Variants in CALCR observed in about 807,000 individuals in gnomAD.
CALCR encodes calcitonin receptor.
In CALCR, 47 loss-of-function variants were observed where a neutral mutation model predicts 59.5. The ratio of observed to expected loss-of-function variants is 0.79; its 90% confidence interval spans 0.63 to 1.01. The LOEUF is 1.01. CALCR is among the 50% of genes least tolerant of loss of function. CALCR has a pLI of 0.00. For synonymous variants in CALCR, 213 were observed against 211.3 expected, an observed-to-expected ratio of 1.01 and a Z score of -0.07; for missense variants, 566 against 597.1, an observed-to-expected ratio of 0.95 and a Z score of 0.54.
At chr7:93,553,505 T>G (rs1381979707) in intron 2 of CALCR, among the ~76,000 whole-genome samples, 1 of 151,794 alleles carries the variant, frequency 6.6e-6, no homozygotes, top group Non-Finnish European at 1.5e-5. Context: ...ACAACAAATT[T>G]TGGAGGCAGA....
At chr7:93,530,898 C>G (rs1309028981) in intron 2 of CALCR, among the ~76,000 whole-genome samples, 1 of 152,028 alleles carries the variant, frequency 6.6e-6, no homozygotes, top group Non-Finnish European at 1.5e-5. Context: ...CACTGGAGAG[C>G]TTGTCAGAAA....
chr7:93,441,307 A>T (rs1190914707), intron 9 of CALCR, among the ~76,000 whole-genome samples: 1 of 152,060 alleles, frequency 6.6e-6, no homozygotes, highest in East Asian at 1.9e-4. Flanking sequence ...TCTGGCAGAA[A>T]GTATGTGTGT....
At chr7:93,455,283 T>G (rs1800187990) in intron 8 of CALCR, among the ~76,000 whole-genome samples, 1 of 152,060 alleles carries the variant, frequency 6.6e-6, no homozygotes, top group African/African-American at 2.4e-5. Flanking sequence ...TGCTGATAGA[T>G]ACGCTTTTCT....
At chr7:93,489,057 A>G (rs187281450) in intron 2 of CALCR, among the ~76,000 whole-genome samples, 126 of 152,010 alleles carry the variant, frequency 8.3e-4, no homozygotes, top group Non-Finnish European at 1.4e-3. Flanking sequence ...AAATCATAAC[A>G]AACAGTCTCT....
Position 93,436,165 on chromosome 7 carries a change from A to C in CALCR, c.936T>G (p.Asn312Lys), listed in dbSNP as rs1432962602. Residue 312 changes from asparagine to lysine, a missense_variant, in exon 12 of 14, where the codon AAT (asparagine) becomes AAG (lysine). Coordinates refer to ENST00000426151, the MANE Select transcript of CALCR (RefSeq NM_001742.4). The part of the protein sequence containing the change: ...HGPVMAALVV[N>K]FFFLLNIVRV... Reference sequence around the variant, plus strand: ...GGACAATGTTGAGCAAAAAGAAGAAATTGACCTGCAAATATACGGTGTTAT... The same window carrying C: ...GGACAATGTTGAGCAAAAAGAAGAACTTGACCTGCAAATATACGGTGTTAT... 6.2e-7 allele frequency: 1 copy of C among 1,613,512 alleles called. No homozygotes were observed. The highest frequency in any genetic ancestry group is 1.7e-5 in the Admixed American group (1 of 60,008).
chr7:93,571,502 A>T (rs549324785), intron 2 of CALCR, among the ~76,000 whole-genome samples: 1 of 152,146 alleles, frequency 6.6e-6, no homozygotes, highest in Non-Finnish European at 1.5e-5. Flanking sequence ...AAATTAAGGC[A>T]CCGAGAAGTT....
chr7:93,488,582 G>GAAAAAAAAAAA (rs1554401502), intron 2 of CALCR, among the ~76,000 whole-genome samples: 5 of 78,034 alleles, frequency 6.4e-5, no homozygotes, highest in East Asian at 8.8e-4. Context: ...CAAATGGAAA[G>GAAAAAAAAAAA]AAAAAAAAAA....
chr7:93,471,642 C>T lies in CALCR; in HGVS notation c.429+733G>A, dbSNP rs571136860. On this transcript the variant is annotated intron_variant, in intron 6 of 13. Coordinates refer to ENST00000426151, the MANE Select transcript of CALCR (RefSeq NM_001742.4). ...GAGTCAGCAGGGTTGCTTAGAGACG[C>T]CCTGCACAGCTAAACATTGACCAAC... Among the ~76,000 whole-genome samples, 11 of 151,758 alleles carry T rather than the reference C, an allele frequency of 7.2e-5. No homozygotes were observed. The South Asian group carries it at 2.3e-3, about 32-fold the overall frequency.
chr7:93,517,041 A>G (rs1584600711), intron 2 of CALCR, among the ~76,000 whole-genome samples: 2 of 151,988 alleles, frequency 1.3e-5, no homozygotes, highest in East Asian at 3.9e-4. Flanking sequence ...CTGGGCATTG[A>G]GAAGCAGGTA....
intron 8 of CALCR, among the ~76,000 whole-genome samples, chr7:93,460,554 TAAAA>T (rs71537257): frequency 4.8e-4 from 38 of 79,300 alleles, no homozygotes; most frequent in African/African-American, 2.8e-3. Context: ...AGACTCTATC[TAAAA>T]AAAAAAAAAA....
intron 2 of CALCR, among the ~76,000 whole-genome samples, chr7:93,539,445 C>T (rs1369154878): frequency 6.6e-6 from 1 of 151,862 alleles, no homozygotes; most frequent in African/African-American, 2.4e-5. Context: ...TCTAGTAATA[C>T]TGAGAAACGT....
chr7:93,472,118 C>T (rs892241212), intron 6 of CALCR, among the ~76,000 whole-genome samples: 11 of 151,844 alleles, frequency 7.2e-5, no homozygotes, highest in Admixed American at 2.6e-4. Context: ...GGACACTTAT[C>T]CCCCTGCCAT....
At chr7:93,473,220 G>GGCA (rs1300966808) in intron 5 of CALCR, among the ~76,000 whole-genome samples, 1 of 151,748 alleles carries the variant, frequency 6.6e-6, no homozygotes, top group East Asian at 1.9e-4. Flanking sequence ...CTCCACCTTC[G>GGCA]CTATGGGGGT....
intron 7 of CALCR, among the ~76,000 whole-genome samples, chr7:93,461,706 C>G (rs1166630623): frequency 1.3e-5 from 2 of 152,090 alleles, no homozygotes; most frequent in Admixed American, 1.3e-4. Context: ...GGCTTTTATT[C>G]TTTTCTCTCC....
At chr7:93,562,637 T>C (rs985492548) in intron 2 of CALCR, among the ~76,000 whole-genome samples, 2 of 152,180 alleles carry the variant, frequency 1.3e-5, no homozygotes, top group Non-Finnish European at 2.9e-5. Flanking sequence ...ATTGTGATTA[T>C]ATCTGGAACC....
chr7:93,527,603 G>C (rs1162203977), intron 2 of CALCR, among the ~76,000 whole-genome samples: 1 of 152,094 alleles, frequency 6.6e-6, no homozygotes, highest in Non-Finnish European at 1.5e-5. Context: ...CGAGTTAGCA[G>C]CCATTTTAGC....
chr7:93,557,368 C>G (rs1039168938), intron 2 of CALCR, among the ~76,000 whole-genome samples: 1 of 151,528 alleles, frequency 6.6e-6, no homozygotes, highest in East Asian at 1.9e-4. Flanking sequence ...CTAAATCAAG[C>G]TAATTAACAT....
At chr7:93,454,041 C>G (rs557804361) in intron 8 of CALCR, among the ~76,000 whole-genome samples, 1 of 151,974 alleles carries the variant, frequency 6.6e-6, no homozygotes, top group Non-Finnish European at 1.5e-5. Context: ...CTAGTTTTTT[C>G]CATAAGCTAC....
chr7:93,450,645 T>A (rs913789441), intron 8 of CALCR, among the ~76,000 whole-genome samples: 1 of 151,946 alleles, frequency 6.6e-6, no homozygotes, highest in Non-Finnish European at 1.5e-5. Context: ...CTCACAACTA[T>A]CTCCATTTTA....
Sources: allele counts gnomAD v4.1 joint callset (sites outside exome capture counted in the v4.1 genomes callset), GRCh38; gene constraint gnomAD v4.1.1; transcripts MANE v1.5; gene names NCBI Gene and HGNC (gene_info 2026-07-23, HGNC 2026-07-21).